VPS13D: variants seen among roughly 807,000 people sequenced by gnomAD.
VPS13D encodes intermembrane lipid transfer protein VPS13D.
A neutral mutation model predicts 461.9 loss-of-function variants in VPS13D; 187 were observed. The ratio of observed to expected loss-of-function variants is 0.40; its 90% CI spans 0.36 to 0.46. The LOEUF (loss-of-function observed/expected upper bound fraction) is 0.46, where lower values mean the gene tolerates loss of function less well. VPS13D is among the 20% of genes least tolerant of loss of function. The pLI is 0.60. For synonymous variants in VPS13D, 1,951 were observed against 1,986.3 expected (o/e 0.98, Z 0.47); for missense variants, 4,711 against 5,364.9 (o/e 0.88, Z 3.81).
chr1:12,310,558 C>T (rs1642707587), intron 27 of VPS13D, among the ~76,000 whole-genome samples: 1 of 152,150 alleles, frequency 6.6e-6, no homozygotes, highest in Non-Finnish European at 1.5e-5. Context: ...CAGAGTTTAT[C>T]CTCATGTCCC....
chr1:12,427,242 TTTATTATTATTA>T lies in VPS13D; in HGVS notation c.12333+10443_12333+10454del, dbSNP rs55913483. On this transcript the variant is annotated intron_variant, in intron 65 of 69. Transcript: ENST00000620676. ...TAAATGGTATTATTATTGTCATTAT[TTTATTATTATTA>T]TTATTATTATTATTATTATTATTAT... 6.2e-3 allele frequency among the ~76,000 whole-genome samples: 804 copies of T among 128,772 alleles called. 8 individuals carry two copies. Among genetic ancestry groups the T allele is most frequent in the African/African-American group, 0.02 (650 of 32,194 alleles). The allele number at this position is 128,772 out of a possible 152,430, so 84.5% of individuals were successfully genotyped here.
At chr1:12,250,205 A>G (rs1254109919) in intron 6 of VPS13D, among the ~76,000 whole-genome samples, 1 of 152,232 alleles carries the variant, frequency 6.6e-6, no homozygotes, top group Non-Finnish European at 1.5e-5. Context: ...CTCATGGTTC[A>G]AAGTTTTTAT....
At position 12,314,247 on chromosome 1, in the gene VPS13D, G is replaced by A. The variant is rs756197971; in HGVS notation, c.7068G>A (p.Thr2356=). Reference sequence around the variant, plus strand: ...GGCAGAAGACCAGCCCTGGCATGACGAATGTGTTCAGCTGTATCTTTCAGC... The same window carrying A: ...GGCAGAAGACCAGCCCTGGCATGACAAATGTGTTCAGCTGTATCTTTCAGC... ...YAGQKTSPGM[T]NVFSCIFQPA... Residue 2356 remains threonine, a synonymous_variant, in exon 30 of 70, where the codon ACG becomes ACA. Transcript: ENST00000620676. The A allele has an allele frequency of 1.6e-5, 26 of 1,614,092 alleles. No homozygotes were observed. Among genetic ancestry groups the A allele is most frequent in the Admixed American group, 3.3e-5 (2 of 60,018 alleles).
At chr1:12,269,659 CAAG>C (rs1641376122) in intron 16 of VPS13D, among the ~76,000 whole-genome samples, 1 of 152,144 alleles carries the variant, frequency 6.6e-6, no homozygotes, top group Non-Finnish European at 1.5e-5. Flanking sequence ...GTTTGTTCTC[CAAG>C]AAGATTTGAA....
chr1:12,484,586 T>C (rs2100499646), intron 67 of VPS13D, among the ~76,000 whole-genome samples: 1 of 152,310 alleles, frequency 6.6e-6, no homozygotes, highest in East Asian at 1.9e-4. Context: ...GAAATACTAG[T>C]AAGATACTTC....
chr1:12,240,552 G>A (rs918171213), intron 2 of VPS13D, among the ~76,000 whole-genome samples: 3 of 130,580 alleles, frequency 2.3e-5, no homozygotes, highest in Admixed American at 9.1e-5. Context: ...CCGAGATCGC[G>A]CCATTGCCCT....
In VPS13D at chr1:12,355,926, G is replaced by C; in HGVS notation, c.9707G>C (p.Cys3236Ser). The change falls in exon 48 of 70, where the codon TGT becomes TCT. Residue 3236 changes from cysteine to serine, a missense_variant. Transcript: ENST00000620676. ...LGVSLENFPLCKELLIPPGTQ... is the reference protein window; with the variant it reads ...LGVSLENFPLSKELLIPPGTQ... ...GTATCACTGGAGAATTTCCCCCTCT[G>C]TAAAGAATTGCTCATTCCACCTGGA... 6.2e-7 allele frequency: 1 copy of C among 1,603,356 alleles called. No individual in the cohort carries two copies. The highest frequency in any genetic ancestry group is 1.1e-5 in the South Asian group (1 of 90,146).
At chr1:12,432,839 C>T (rs1204418211) in intron 65 of VPS13D, among the ~76,000 whole-genome samples, 1 of 152,150 alleles carries the variant, frequency 6.6e-6, no homozygotes, top group Non-Finnish European at 1.5e-5. Context: ...AAGTGATCCT[C>T]CTGCCTCAGC....
intron 7 of VPS13D, 69 bp downstream of exon 7, chr1:12,253,895 G>C: frequency 1.6e-6 from 2 of 1,247,046 alleles, no homozygotes; most frequent in Non-Finnish European, 2.3e-6. Context: ...TCACTGCCAC[G>C]GGGGCTTTTG....
At chr1:12,353,563 A>G (rs1453279699) in intron 46 of VPS13D, among the ~76,000 whole-genome samples, 3 of 151,218 alleles carry the variant, frequency 2.0e-5, no homozygotes, top group Middle Eastern at 3.4e-3. Context: ...AAAACCAGAC[A>G]TAAAGAGTAG....
intron 24 of VPS13D, among the ~76,000 whole-genome samples, chr1:12,296,322 A>C (rs897350187): frequency 1.3e-5 from 2 of 152,240 alleles, no homozygotes; most frequent in African/African-American, 4.8e-5. Context: ...TATCTTTGCC[A>C]ACACTCTTAT....
chr1:12,341,661 G>A, intron 40 of VPS13D, 119 bp from the exon 41 acceptor site: 1 of 806,414 alleles, frequency 1.2e-6, no homozygotes, highest in East Asian at 2.6e-5. Flanking sequence ...CTTCTTTCTT[G>A]CTTCCACCTT....
chr1:12,369,207 A>G (rs932142171), intron 53 of VPS13D, among the ~76,000 whole-genome samples: 1 of 151,548 alleles, frequency 6.6e-6, no homozygotes, highest in Non-Finnish European at 1.5e-5. Context: ...AATAGGATAT[A>G]TGTATATATG....
At chr1:12,448,160 A>G (rs1007121564) in intron 65 of VPS13D, among the ~76,000 whole-genome samples, 2 of 152,134 alleles carry the variant, frequency 1.3e-5, no homozygotes, top group Non-Finnish European at 2.9e-5. Context: ...TCTTTTGCTC[A>G]TGTTCACCCA....
chr1:12,317,713 C>T (rs1029437042), intron 30 of VPS13D, among the ~76,000 whole-genome samples: 1 of 151,952 alleles, frequency 6.6e-6, no homozygotes, highest in African/African-American at 2.4e-5. Context: ...CCACTGCATT[C>T]CAGTCTGGGC....
At position 12,500,631 on chromosome 1, in the gene VPS13D, A is replaced by C. The variant is rs530465753; in HGVS notation, c.12794+3000A>C. Among the ~76,000 whole-genome samples, 6 of 152,202 alleles carry C rather than the reference A, an allele frequency of 3.9e-5. 1 individual carries two copies. The South Asian group carries it at 1.2e-3, about 32-fold the overall frequency. On this transcript the variant is annotated intron_variant, in intron 68 of 69. Coordinates refer to ENST00000620676, the MANE Select transcript of VPS13D (RefSeq NM_015378.4). ...AATTGTACTTTTAAAATATAGTTTT[A>C]GAAAGTAACATTTATGGGATTTTTT...
intron 60 of VPS13D, among the ~76,000 whole-genome samples, chr1:12,386,941 G>C (rs549471572): frequency 6.6e-6 from 1 of 152,280 alleles, no homozygotes; most frequent in Admixed American, 6.5e-5. Flanking sequence ...TGAGAGTCTA[G>C]AGAGACCAAG....
chr1:12,341,964 GC>G (rs1643578864), intron 41 of VPS13D, 79 bp downstream of exon 41: 3 of 1,350,810 alleles, frequency 2.2e-6, no homozygotes, highest in Non-Finnish European at 3.1e-6. Flanking sequence ...AGCAAGGTGG[GC>G]CCCCTCTTGA....
rs755567500 is a variant in VPS13D, at chr1:12,273,153, A to C, written c.2236+18A>C. On this transcript the variant is annotated intron_variant, in intron 18 of 69. Coordinates refer to ENST00000620676, the MANE Select transcript of VPS13D (RefSeq NM_015378.4). Reference sequence around the variant, plus strand: ...CACCCAAGGTATAGTGTGAGTGGGAAATAATGAAAACCTGCCTTGGTAGAT... The same window carrying C: ...CACCCAAGGTATAGTGTGAGTGGGACATAATGAAAACCTGCCTTGGTAGAT... The C allele has an allele frequency of 5.9e-5, 95 of 1,610,652 alleles. No individual in the cohort carries two copies. The highest frequency in any genetic ancestry group is 7.4e-5 in the Non-Finnish European group (87 of 1,178,664).
Sources: gnomAD v4.1 joint callset for allele counts (sites outside exome capture counted in the v4.1 genomes callset) on GRCh38, gnomAD v4.1.1 for gene constraint, MANE v1.5 for transcripts, NCBI Gene and HGNC (gene_info 2026-07-23, HGNC 2026-07-21) for gene names.